Variants in ARID1B observed in about 807,000 individuals in gnomAD.
ARID1B encodes the protein AT-rich interaction domain 1B, also known as AT-rich interactive domain-containing protein 1B.
Under a neutral mutation model 212.3 loss-of-function variants are expected in ARID1B, and 30 were observed. The observed-to-expected ratio is 0.14, with a 90% CI of 0.11 to 0.19. ARID1B has a LOEUF of 0.19. ARID1B is among the 10% of genes least tolerant of loss of function. ARID1B has a pLI of 1.00. For synonymous variants in ARID1B, 1,402 were observed against 1,301.7 expected, an observed-to-expected ratio of 1.08 and a Z score of -1.66; for missense variants, 2,891 against 3,204.0, an observed-to-expected ratio of 0.90 and a Z score of 2.36.
In ARID1B at chr6:156,847,782, G is replaced by A. The variant is rs149621533; in HGVS notation, c.1986+18361G>A. On this transcript the variant is annotated intron_variant, in intron 2 of 19. Coordinates refer to ENST00000636930, the MANE Select transcript of ARID1B (RefSeq NM_001374828.1). ...GGCAAGTTAAGTAAAGTATTTTAAG[G>A]TTATATTTAGTTCGAAAAGAAATTT... 2.8e-3 allele frequency among the ~76,000 whole-genome samples: 425 copies of A among 152,260 alleles called. 1 individual carries two copies. Among genetic ancestry groups the A allele is most frequent in the African/African-American group, 8.8e-3 (365 of 41,554 alleles).
intron 7 of ARID1B, among the ~76,000 whole-genome samples, chr6:157,143,439 G>C (rs1048180338): frequency 6.7e-6 from 1 of 150,230 alleles, no homozygotes; most frequent in South Asian, 2.1e-4. Flanking sequence ...CGAGTAGTTG[G>C]GGGGGGCATG....
At chr6:157,040,708 G>T (rs1036988876) in intron 4 of ARID1B, among the ~76,000 whole-genome samples, 3 of 152,178 alleles carry the variant, frequency 2.0e-5, no homozygotes, top group African/African-American at 7.2e-5. Context: ...ATCATGACTA[G>T]CAAGGTTGAT....
At chr6:156,825,581 A>G (rs767116056) in intron 1 of ARID1B, among the ~76,000 whole-genome samples, 1 of 152,266 alleles carries the variant, frequency 6.6e-6, no homozygotes, top group Non-Finnish European at 1.5e-5. Context: ...TATCTATAGC[A>G]TTAAAACATA....
At chr6:156,809,558 A>G (rs1781416915) in intron 1 of ARID1B, among the ~76,000 whole-genome samples, 1 of 152,150 alleles carries the variant, frequency 6.6e-6, no homozygotes, top group African/African-American at 2.4e-5. Flanking sequence ...ACAGGATTTT[A>G]GAGAAACCCA....
chr6:156,871,124 T>A (rs1266446057), intron 2 of ARID1B, among the ~76,000 whole-genome samples: 1 of 152,258 alleles, frequency 6.6e-6, no homozygotes, highest in Non-Finnish European at 1.5e-5. Context: ...CTAAGACTGC[T>A]GTCATCGTTT....
At chr6:156,886,278 C>T (rs961110617) in intron 2 of ARID1B, among the ~76,000 whole-genome samples, 2 of 152,120 alleles carry the variant, frequency 1.3e-5, no homozygotes, top group African/African-American at 4.8e-5. Context: ...CTGCAACCTC[C>T]GCCTCCTGGG....
At chr6:156,944,598 A>G (rs567746637) in intron 4 of ARID1B, among the ~76,000 whole-genome samples, 103 of 152,342 alleles carry the variant, frequency 6.8e-4, no homozygotes, top group African/African-American at 2.2e-3. Context: ...TTTGTAATGC[A>G]AAGGCTAATG....
rs113641346 is a variant in ARID1B at position 156,877,803 on chromosome 6, G to A, written c.1987-23573G>A. ...TGGCTCACTGCAACCTCTGCTGCTCGGGTTCAAGCACTTCTCGTGCCCCAG... is the reference window on the plus strand; with the variant it reads ...TGGCTCACTGCAACCTCTGCTGCTCAGGTTCAAGCACTTCTCGTGCCCCAG... On this transcript the variant is annotated intron_variant, in intron 2 of 19. Coordinates refer to ENST00000636930, the MANE Select transcript of ARID1B (RefSeq NM_001374828.1). Among the ~76,000 whole-genome samples the A allele has an allele frequency of 2.8e-3, 420 of 151,930 alleles. 2 individuals carry two copies. Among genetic ancestry groups the A allele is most frequent in the African/African-American group, 9.8e-3 (406 of 41,424 alleles).
chr6:156,889,310 A>T (rs1196375122), intron 2 of ARID1B, among the ~76,000 whole-genome samples: 3 of 152,226 alleles, frequency 2.0e-5, no homozygotes, highest in Admixed American at 6.5e-5. Flanking sequence ...CAAAAAACAC[A>T]CTGTAGACTT....
At chr6:157,085,787 T>C (rs1460932089) in intron 5 of ARID1B, among the ~76,000 whole-genome samples, 1 of 152,196 alleles carries the variant, frequency 6.6e-6, no homozygotes, top group Non-Finnish European at 1.5e-5. Context: ...GCACACTAAT[T>C]ATGAAACATC....
At chr6:157,128,817 A>G (rs1368436677) in intron 6 of ARID1B, among the ~76,000 whole-genome samples, 8 of 152,246 alleles carry the variant, frequency 5.3e-5, no homozygotes, top group African/African-American at 1.4e-4. Context: ...GATAACCAAA[A>G]TAAAAACACA....
At position 157,190,088 on chromosome 6, in the gene ARID1B, C is replaced by T. The variant is rs533211077; in HGVS notation, c.4109C>T (p.Ser1370Phe). Reference sequence around the variant, plus strand: ...CCATTCTCAGATGTGAGTGATTCATCCTTCCCGAAACGGAACTCCATGACT... The same window carrying T: ...CCATTCTCAGATGTGAGTGATTCATTCTTCCCGAAACGGAACTCCATGACT... ...HDPFSDVSDS[S>F]FPKRNSMTPN... is the part of the protein sequence containing the mutation. The change falls in exon 15 of 20, where the codon TCC becomes TTC. Residue 1370 changes from serine (S) to phenylalanine (F), a missense_variant. Physicochemically the swap from Ser to Phe is radical, Grantham distance 155. Around this residue, in one of 7 missense-constraint regions of ARID1B, gnomAD observed 666 missense variants for 873.5 expected, o/e 0.76. Transcript: ENST00000636930. This position sits in a 1 kb window ranked among gnomAD's most constrained non-coding sequence, Gnocchi z 4.6. 5 of 1,614,238 alleles carry T rather than the reference C, an allele frequency of 3.1e-6. No homozygotes were observed. Among genetic ancestry groups the T allele is most frequent in the Admixed American group, 1.7e-5 (1 of 60,034 alleles).
At chr6:156,863,008 C>A (rs183684743) in intron 2 of ARID1B, among the ~76,000 whole-genome samples, 1 of 152,144 alleles carries the variant, frequency 6.6e-6, no homozygotes, top group Admixed American at 6.5e-5. Flanking sequence ...CTTAGTTGCA[C>A]GTGAGATGAT....
chr6:156,857,612 A>AT (rs1411741609), intron 2 of ARID1B, among the ~76,000 whole-genome samples: 6 of 152,192 alleles, frequency 3.9e-5, no homozygotes, highest in African/African-American at 1.4e-4. Context: ...AACTACTTTG[A>AT]TTTTTTGTTT....
chr6:156,856,405 C>T (rs144179369), intron 2 of ARID1B, among the ~76,000 whole-genome samples: 2 of 152,294 alleles, frequency 1.3e-5, no homozygotes, highest in Admixed American at 6.5e-5. Flanking sequence ...ATTAACTCAT[C>T]AACTTCTTAG....
chr6:157,122,986 ATAGGT>A (rs2128554553), intron 6 of ARID1B, among the ~76,000 whole-genome samples: 1 of 152,262 alleles, frequency 6.6e-6, no homozygotes, highest in Non-Finnish European at 1.5e-5. Context: ...CCGGCCAGGA[ATAGGT>A]TTCTTAGTTC....
intron 2 of ARID1B, among the ~76,000 whole-genome samples, chr6:156,857,672 G>T (rs1312455336): frequency 6.6e-6 from 1 of 152,180 alleles, no homozygotes; most frequent in Admixed American, 6.5e-5. Context: ...GTTCCTAACT[G>T]GTATAGTAGT....
chr6:157,070,943 A>G (rs2128429447), intron 4 of ARID1B, among the ~76,000 whole-genome samples: 1 of 152,236 alleles, frequency 6.6e-6, no homozygotes, highest in South Asian at 2.1e-4. Context: ...ATATTGTTGG[A>G]GTTTGGCACT....
chr6:157,154,888 C>A (rs538044038), intron 8 of ARID1B, among the ~76,000 whole-genome samples: 1 of 151,900 alleles, frequency 6.6e-6, no homozygotes, highest in African/African-American at 2.4e-5. Context: ...GCCTGTTGCT[C>A]TTCTTTCTAC....
Sources: gnomAD v4.1 joint callset for allele counts (sites outside exome capture counted in the v4.1 genomes callset) on GRCh38, gnomAD v4.1.1 for gene constraint, gnomAD v4.1.1 regional missense constraint, Gnocchi (gnomAD v3.1) non-coding constraint, MANE v1.5 for transcripts, NCBI Gene and HGNC (gene_info 2026-07-23, HGNC 2026-07-21) for gene names.